Variants in PRR14L observed in about 807,000 individuals in gnomAD.
The protein encoded by PRR14L is proline rich 14 like, also known as protein PRR14L.
Under a neutral mutation model 155.0 loss-of-function variants are expected in PRR14L, and 80 were observed. The observed-to-expected ratio is 0.52, with a 90% CI of 0.43 to 0.62. The LOEUF is 0.62. Ranked by LOEUF, PRR14L falls within the 20% of genes least tolerant of loss-of-function variation. The pLI, the probability that PRR14L is intolerant of heterozygous loss-of-function variation, is 0.00. For synonymous variants in PRR14L, 883 were observed against 916.0 expected (o/e 0.96, Z 0.65); for missense variants, 2,469 against 2,548.0 (o/e 0.97, Z 0.67).
chr22:31,687,839 C>T (rs113112376), intron 8 of PRR14L, among the ~76,000 whole-genome samples: 3 of 150,850 alleles, frequency 2.0e-5, no homozygotes, highest in African/African-American at 4.9e-5. Context: ...GTCAGGAGAT[C>T]GAGACCACGG....
In PRR14L at chr22:31,683,761, C is replaced by A; in HGVS notation, c.*1766G>T. ...TGTCAGTTTTTCTGCTCCAGTGTGGCATAGACTGTCAACCTGCAAAAGCAA... is the reference window on the plus strand; with the variant it reads ...TGTCAGTTTTTCTGCTCCAGTGTGGAATAGACTGTCAACCTGCAAAAGCAA... On this transcript the variant is annotated 3_prime_UTR_variant, in exon 9 of 9. Coordinates refer to ENST00000327423, the MANE Select transcript of PRR14L (RefSeq NM_173566.3). 6.6e-6 allele frequency: 1 copy of A among 152,624 alleles called. No homozygotes were observed. The allele number at this position is 152,624 out of a possible 1,614,324, so 9.5% of individuals were successfully genotyped here.
intron 1 of PRR14L, among the ~76,000 whole-genome samples, chr22:31,742,165 A>G (rs543465237): frequency 9.2e-5 from 14 of 152,288 alleles, no homozygotes; most frequent in African/African-American, 3.4e-4. Flanking sequence ...TAAATGCAGG[A>G]AAGGATATTG....
chr22:31,742,618 C>T lies in PRR14L; in HGVS notation c.-51-3707G>A, dbSNP rs367829676. Among the ~76,000 whole-genome samples the T allele has an allele frequency of 2.1e-3, 317 of 152,212 alleles. 3 individuals are homozygous for T. The South Asian group carries it at 0.035, about 17-fold the overall frequency. On this transcript the variant is annotated intron_variant, in intron 1 of 8. Transcript: ENST00000327423. ...CTGACCTCAAGTAATCCGCCCGCCT[C>T]GGCCTCCCAAAGTGCTGGGATTAAG...
chr22:31,740,135 AC>A (rs775547681), intron 1 of PRR14L, among the ~76,000 whole-genome samples: 5 of 151,924 alleles, frequency 3.3e-5, no homozygotes, highest in Non-Finnish European at 5.9e-5. Flanking sequence ...ATCGTTCCTC[AC>A]CGCAGCCTCC....
intron 2 of PRR14L, among the ~76,000 whole-genome samples, chr22:31,727,383 G>A (rs992849486): frequency 6.6e-6 from 1 of 151,700 alleles, no homozygotes; most frequent in Non-Finnish European, 1.5e-5. Context: ...ACAGGTGCAC[G>A]CCGCCACACC....
chr22:31,688,189 G>C lies in PRR14L; in HGVS notation c.6146C>G (p.Thr2049Ser). Residue 2049 changes from threonine to serine, a missense_variant, in exon 8 of 9, where the codon ACC becomes AGC. By Grantham distance (58) the Thr-to-Ser change is moderately conservative (BLOSUM62 1). Coordinates refer to ENST00000327423, the MANE Select transcript of PRR14L (RefSeq NM_173566.3). Reference protein sequence around the residue: ...KKEFSLEEIYTNKNYKSPPAN... With the variant: ...KKEFSLEEIYSNKNYKSPPAN... The stretch of plus-strand genomic sequence containing the variant: ...AGGAGGAGATTTATAATTCTTGTTG[G>C]TATATATCTCTTCTAAACTAAACTC... 6.2e-7 allele frequency: 1 copy of C among 1,603,888 alleles called. No homozygotes were observed. The highest frequency in any genetic ancestry group is 8.5e-7 in the Non-Finnish European group (1 of 1,175,866).
intron 4 of PRR14L, among the ~76,000 whole-genome samples, chr22:31,708,483 T>C (rs928668607): frequency 2.0e-5 from 3 of 150,916 alleles, no homozygotes; most frequent in Non-Finnish European, 3.0e-5. Context: ...TGAACCACCA[T>C]ACCCAGCTAA....
chr22:31,700,141 T>G (rs1241350820), intron 7 of PRR14L, among the ~76,000 whole-genome samples: 1 of 152,182 alleles, frequency 6.6e-6, no homozygotes, highest in Non-Finnish European at 1.5e-5. Context: ...TTTGTTTTCC[T>G]TAAATATAAT....
chr22:31,700,250 A>T (rs1486254750), intron 7 of PRR14L, among the ~76,000 whole-genome samples: 1 of 152,244 alleles, frequency 6.6e-6, no homozygotes, highest in Non-Finnish European at 1.5e-5. Context: ...CCAACTACTT[A>T]TTTATGTAAA....
At chr22:31,704,570 C>T (rs1041764509) in intron 5 of PRR14L, 85 bp downstream of exon 5, 39 of 1,061,412 alleles carry the variant, frequency 3.7e-5, no homozygotes, top group Non-Finnish European at 4.8e-5. Context: ...ATGCCACAGA[C>T]GATCCACACC....
At chr22:31,711,618 C>G (rs9621320) in intron 4 of PRR14L, among the ~76,000 whole-genome samples, 6 of 151,144 alleles carry the variant, frequency 4.0e-5, no homozygotes, top group Non-Finnish European at 7.4e-5. Context: ...CCCGTCTCTA[C>G]TAAAAAATAC....
chr22:31,733,769 A>G (rs561633412), intron 2 of PRR14L, among the ~76,000 whole-genome samples: 1 of 152,208 alleles, frequency 6.6e-6, no homozygotes, highest in South Asian at 2.1e-4. Flanking sequence ...ACGTTGTCAT[A>G]CATTTTCATT....
intron 4 of PRR14L, among the ~76,000 whole-genome samples, chr22:31,709,655 C>T (rs1365012620): frequency 6.6e-6 from 1 of 151,252 alleles, no homozygotes; most frequent in African/African-American, 2.4e-5. Flanking sequence ...ATTCTCCTGC[C>T]TCAGCTTCCC....
chr22:31,706,341 C>T (rs1295622614), intron 4 of PRR14L, among the ~76,000 whole-genome samples: 23 of 130,052 alleles, frequency 1.8e-4, no homozygotes, highest in Admixed American at 1.7e-3. Context: ...CCAGCCTGGG[C>T]GACAGAGCAA....
chr22:31,748,258 A>C (rs2074851277), intron 1 of PRR14L, among the ~76,000 whole-genome samples: 1 of 152,232 alleles, frequency 6.6e-6, no homozygotes, highest in Admixed American at 6.5e-5. Context: ...CTTGAGAAAC[A>C]AAGAAAGAAG....
chr22:31,719,135 C>T (rs1350195490), intron 3 of PRR14L, among the ~76,000 whole-genome samples: 1 of 151,926 alleles, frequency 6.6e-6, no homozygotes, highest in Admixed American at 6.6e-5. Flanking sequence ...TGATGCAGTA[C>T]CTCACAATGG....
At chr22:31,745,106 T>C (rs978353022) in intron 1 of PRR14L, among the ~76,000 whole-genome samples, 10 of 152,154 alleles carry the variant, frequency 6.6e-5, no homozygotes, top group Non-Finnish European at 1.5e-5. Flanking sequence ...GGCCGGGTGC[T>C]TTGGCTCACG....
In PRR14L at chr22:31,714,887, A is replaced by C; in HGVS notation, c.2952T>G (p.Ser984Arg). The C allele has an allele frequency of 6.4e-7, 1 of 1,551,810 alleles. No homozygotes were observed. The highest frequency in any genetic ancestry group is 1.4e-5 in the African/African-American group (1 of 73,126). Residue 984 changes from serine to arginine, a missense_variant, in exon 4 of 9, where the codon AGT becomes AGG. By Grantham distance (110) the Ser-to-Arg change is moderately radical. Transcript: ENST00000327423. ...GCATCTCCTTGGCTGACTGACCTTC[A>C]CTTTTGCATTCATCTGGTCTGTTTT... Reference protein sequence around the residue: ...SNQNRPDECKSEGQSAKEMLS... With the variant: ...SNQNRPDECKREGQSAKEMLS...
chr22:31,688,359 A>G, intron 7 of PRR14L, 132 bp from the exon 8 acceptor site: 1 of 1,201,466 alleles, frequency 8.3e-7, no homozygotes, highest in Non-Finnish European at 1.1e-6. Flanking sequence ...AACTCTAGCC[A>G]TCCTCCAGCC....
Sources: gnomAD v4.1 joint callset for allele counts (sites outside exome capture counted in the v4.1 genomes callset) on GRCh38, gnomAD v4.1.1 for gene constraint, MANE v1.5 for transcripts, NCBI Gene and HGNC (gene_info 2026-07-23, HGNC 2026-07-21) for gene names.